Variants in CACNG5 observed in about 807,000 individuals in gnomAD.
The protein encoded by CACNG5 is voltage-dependent calcium channel gamma-5 subunit.
In CACNG5, 18 loss-of-function variants were observed where a neutral mutation model predicts 24.8. The ratio of observed to expected loss-of-function variants is 0.73; its 90% CI spans 0.50 to 1.08. CACNG5 has a LOEUF of 1.08. Ranked by LOEUF, CACNG5 falls within the 50% of genes least tolerant of loss-of-function variation. The pLI, the probability that CACNG5 is intolerant of heterozygous loss-of-function variation, is 0.00. For synonymous variants in CACNG5, 157 were observed against 149.1 expected (o/e 1.05, Z -0.39); for missense variants, 349 against 367.9 (o/e 0.95, Z 0.42).
chr17:66,862,892 C>G (rs1424253853), intron 1 of CACNG5, among the ~76,000 whole-genome samples: 16 of 142,172 alleles, frequency 1.1e-4, no homozygotes, highest in Middle Eastern at 3.5e-3. Context: ...AGCATATTCT[C>G]TGTGTGTGTG....
In CACNG5 at chr17:66,890,206, C is replaced by A. The variant is rs1406524161; in HGVS notation, c.*4966C>A. 6.6e-6 allele frequency among the ~76,000 whole-genome samples: 1 copy of A among 152,194 alleles called. No individual in the cohort carries two copies. The highest frequency in any genetic ancestry group is 1.5e-5 in the Non-Finnish European group (1 of 68,020). On this transcript the variant is annotated 3_prime_UTR_variant, in exon 6 of 6. Transcript: ENST00000533854. ...ACCTGTGCCTGAGGCCCGGCTAGCA[C>A]TGTGAGTGTGGGTTCATCCATGGTA...
At chr17:66,844,538 C>T (rs1379215767) in intron 1 of CACNG5, among the ~76,000 whole-genome samples, 1 of 152,230 alleles carries the variant, frequency 6.6e-6, no homozygotes, top group Non-Finnish European at 1.5e-5. Context: ...CCTGGTGCTG[C>T]AGACACAGAG....
chr17:66,885,030 G>T lies in CACNG5; in HGVS notation c.618G>T (p.Ala206=). 2 of 1,614,132 alleles carry T rather than the reference G, an allele frequency of 1.2e-6. No homozygotes were observed. Among genetic ancestry groups the T allele is most frequent in the Non-Finnish European group, 1.7e-6 (2 of 1,180,006 alleles). Residue 206 remains alanine (A), a synonymous_variant, in exon 6 of 6, where the codon GCG becomes GCT. Coordinates refer to ENST00000533854, the MANE Select transcript of CACNG5 (RefSeq NM_145811.3). ...ACCTGTTTATGAAGCGGTACACCGC[G>T]GAGGACATGTACAGGCCCCACCCTG... is the stretch of plus-strand genomic sequence containing the variant. The part of the protein sequence containing the change: ...SVYLFMKRYT[A]EDMYRPHPGF...
In CACNG5 at chr17:66,889,079, G is replaced by A. The variant is rs1187819427; in HGVS notation, c.*3839G>A. Among the ~76,000 whole-genome samples, 2 of 152,230 alleles carry A rather than the reference G, an allele frequency of 1.3e-5. No homozygotes were observed. Among genetic ancestry groups the A allele is most frequent in the East Asian group, 3.9e-4 (2 of 5,172 alleles). On this transcript the variant is annotated 3_prime_UTR_variant, in exon 6 of 6. Transcript: ENST00000533854. The stretch of plus-strand genomic sequence containing the variant: ...GGGCTCAAGCAATTCTCCTGCCTCA[G>A]CCTCCCAAGTAGCTGGGATCACAGG...
chr17:66,853,892 T>G (rs946054732), intron 1 of CACNG5, among the ~76,000 whole-genome samples: 10 of 152,072 alleles, frequency 6.6e-5, no homozygotes, highest in African/African-American at 2.4e-4. Context: ...AATATCACTA[T>G]CATCACTTTT....
chr17:66,885,346 C>A lies in CACNG5; in HGVS notation c.*106C>A. The A allele has an allele frequency of 7.3e-7, 1 of 1,361,504 alleles. No individual in the cohort carries two copies. The highest frequency in any genetic ancestry group is 9.9e-7 in the Non-Finnish European group (1 of 1,010,302). The allele number at this position is 1,361,504 out of a possible 1,614,324, so 84.3% of individuals were successfully genotyped here. The stretch of plus-strand genomic sequence containing the variant: ...CCTGTGGTTGACAGGCCCAGGCCAC[C>A]CATGCTTAGCTGTTGTCACTTGACC... On this transcript the variant is annotated 3_prime_UTR_variant, in exon 6 of 6. Coordinates refer to ENST00000533854, the MANE Select transcript of CACNG5 (RefSeq NM_145811.3).
In CACNG5 at chr17:66,890,699, C is replaced by A. The variant is rs1489847785; in HGVS notation, c.*5459C>A. 1.3e-5 allele frequency among the ~76,000 whole-genome samples: 2 copies of A among 152,200 alleles called. No individual in the cohort carries two copies. The highest frequency in any genetic ancestry group is 1.9e-4 in the East Asian group (1 of 5,188). On this transcript the variant is annotated 3_prime_UTR_variant, in exon 6 of 6. Coordinates refer to ENST00000533854, the MANE Select transcript of CACNG5 (RefSeq NM_145811.3). ...TGAGTTCTCATCAGGTGCTGCTGCA[C>A]CCTCTGTGTGTTACCAGCAGCCCTC... is the stretch of plus-strand genomic sequence containing the variant.
intron 1 of CACNG5, among the ~76,000 whole-genome samples, chr17:66,876,628 C>T (rs1977080508): frequency 6.6e-6 from 1 of 152,168 alleles, no homozygotes. Flanking sequence ...CTTGTGTTGA[C>T]CAAGTGCTGC....
At chr17:66,841,002 A>G (rs1976559218) in intron 1 of CACNG5, among the ~76,000 whole-genome samples, 1 of 152,162 alleles carries the variant, frequency 6.6e-6, no homozygotes, top group African/African-American at 2.4e-5. Context: ...CAAATATCTG[A>G]GACAGGTCTC....
At position 66,835,809 on chromosome 17, in the gene CACNG5, A is replaced by T. The variant is rs371063212; in HGVS notation, c.-104+559A>T. 1.5e-4 allele frequency among the ~76,000 whole-genome samples: 23 copies of T among 151,728 alleles called. No individual in the cohort carries two copies. In the East Asian group the frequency reaches 4.3e-3, roughly 28 times the overall value. On this transcript the variant is annotated intron_variant, in intron 1 of 5. Transcript: ENST00000533854. ...GCCAGGAGCCACTGAGCAGAGATGGACTCGCGGGGGTGATCAGGGTGGTGC... is the reference window on the plus strand; with the variant it reads ...GCCAGGAGCCACTGAGCAGAGATGGTCTCGCGGGGGTGATCAGGGTGGTGC...
In CACNG5 at chr17:66,885,137, G is replaced by A. The variant is rs937239695; in HGVS notation, c.725G>A (p.Ser242Asn). ...LHPDAWVRGR[S>N]PSDISSEASL... is the part of the protein sequence containing the mutation. ...CCAGACGCCTGGGTCAGGGGCCGCA[G>A]CCCCTCCGACATCTCCAGCGAGGCC... The change falls in exon 6 of 6, where the codon AGC (serine) becomes AAC (asparagine). Residue 242 changes from serine (S) to asparagine (N), a missense_variant. Transcript: ENST00000533854. The A allele has an allele frequency of 6.2e-7, 1 of 1,613,834 alleles. No individual in the cohort carries two copies. The highest frequency in any genetic ancestry group is 1.3e-5 in the African/African-American group (1 of 74,922).
At chr17:66,850,249 G>A (rs1157927833) in intron 1 of CACNG5, among the ~76,000 whole-genome samples, 1 of 152,170 alleles carries the variant, frequency 6.6e-6, no homozygotes, top group Non-Finnish European at 1.5e-5. Context: ...TGGGGGAGGG[G>A]GTCTGAGACC....
chr17:66,874,332 G>A (rs1179289736), intron 1 of CACNG5, among the ~76,000 whole-genome samples: 1 of 152,116 alleles, frequency 6.6e-6, no homozygotes, highest in African/African-American at 2.4e-5. Context: ...GAGTGTCTTA[G>A]TTTGTTCTGT....
intron 1 of CACNG5, among the ~76,000 whole-genome samples, chr17:66,836,066 G>T (rs1296379075): frequency 2.0e-5 from 3 of 152,200 alleles, no homozygotes; most frequent in African/African-American, 7.2e-5. Flanking sequence ...GAGCCTGGCT[G>T]GGGAGGAAAG....
At chr17:66,838,067 CA>C (rs1976507447) in intron 1 of CACNG5, among the ~76,000 whole-genome samples, 1 of 151,804 alleles carries the variant, frequency 6.6e-6, no homozygotes. Flanking sequence ...CAGAACACAC[CA>C]CGTGGGGTTT....
At chr17:66,851,476 T>C (rs1976708884) in intron 1 of CACNG5, among the ~76,000 whole-genome samples, 1 of 152,134 alleles carries the variant, frequency 6.6e-6, no homozygotes, top group Non-Finnish European at 1.5e-5. Context: ...AGACAGCAAA[T>C]GGGGAAATTA....
At chr17:66,839,566 A>T in intron 1 of CACNG5, among the ~76,000 whole-genome samples, 1 of 151,902 alleles carries the variant, frequency 6.6e-6, no homozygotes, top group South Asian at 2.1e-4. Context: ...CTCACTGCAC[A>T]GGTGACATTT....
Position 66,888,543 on chromosome 17 carries a change from C to CA in CACNG5, c.*3326dup, listed in dbSNP as rs770809783. 0.037 allele frequency among the ~76,000 whole-genome samples: 2,253 copies of CA among 61,554 alleles called. 19 individuals carry two copies. Among genetic ancestry groups the CA allele is most frequent in the Non-Finnish European group, 0.046 (1,435 of 31,448 alleles). 40.4% of individuals were successfully genotyped at this position (61,554 alleles called of 152,430 possible). On this transcript the variant is annotated 3_prime_UTR_variant, in exon 6 of 6. Transcript: ENST00000533854. ...TGGGTGACAGAGCGAGACTCCGTCT[C>CA]AAAAAAAAAAAAAAAAAAAAAAAGA... is the stretch of plus-strand genomic sequence containing the variant.
intron 2 of CACNG5, among the ~76,000 whole-genome samples, chr17:66,878,717 T>C (rs934198189): frequency 1.4e-4 from 21 of 152,164 alleles, no homozygotes; most frequent in African/African-American, 5.1e-4. Flanking sequence ...CAACCTCTTT[T>C]CATGTGACTC....
Sources: allele counts gnomAD v4.1 joint callset (sites outside exome capture counted in the v4.1 genomes callset), GRCh38; gene constraint gnomAD v4.1.1; transcripts MANE v1.5; gene names NCBI Gene and HGNC (gene_info 2026-07-23, HGNC 2026-07-21).